The following DNAJA1 variants were observed in gnomAD, a reference collection of about 807,000 sequenced individuals.
DNAJA1 encodes DnaJ heat shock protein family (Hsp40) member A1, also known as dnaJ homolog subfamily A member 1.
DNAJA1 carries 26 observed loss-of-function variants against 47.6 expected under a neutral mutation model. The observed-to-expected ratio is 0.55, with a 90% CI of 0.40 to 0.76. The LOEUF is 0.76. Ranked by LOEUF, DNAJA1 falls within the 30% of genes least tolerant of loss-of-function variation. The pLI is 0.00. For missense variants in DNAJA1, 315 were observed against 485.0 expected (o/e 0.65, Z 3.29); for synonymous variants, 165 against 158.4 (o/e 1.04, Z -0.31).
intron 1 of DNAJA1, 133 bp from the exon 2 acceptor site, chr9:33,026,342 C>A (rs766320430): frequency 1.6e-5 from 14 of 859,926 alleles, no homozygotes; most frequent in Non-Finnish European, 2.1e-5. Flanking sequence ...GGAATTGTTA[C>A]CTTTTTGGTG....
intron 8 of DNAJA1, 62 bp downstream of exon 8, chr9:33,037,177 A>G: frequency 4.0e-6 from 6 of 1,510,922 alleles, no homozygotes; most frequent in Non-Finnish European, 5.4e-6. Flanking sequence ...TCTGATAAAA[A>G]AGTAAAATTT....
At chr9:33,030,810 A>G in intron 5 of DNAJA1, 143 bp downstream of exon 5, 1 of 751,416 alleles carries the variant, frequency 1.3e-6, no homozygotes, top group Non-Finnish European at 2.1e-6. Context: ...CTTAGTAAAT[A>G]ATGTTCTTTT....
At chr9:33,031,435 T>C (rs1411486343) in intron 5 of DNAJA1, among the ~76,000 whole-genome samples, 1 of 152,016 alleles carries the variant, frequency 6.6e-6, no homozygotes, top group Non-Finnish European at 1.5e-5. Flanking sequence ...TGTTTTTGTT[T>C]GTTTGTTTTT....
At chr9:33,038,540 T>A in intron 8 of DNAJA1, 145 bp from the exon 9 acceptor site, 2 of 698,254 alleles carry the variant, frequency 2.9e-6, no homozygotes, top group East Asian at 2.7e-5. Context: ...GCACTGTGCC[T>A]TTTTAGAGCC....
chr9:33,037,953 C>T (rs1587701399), intron 8 of DNAJA1, among the ~76,000 whole-genome samples: 1 of 151,454 alleles, frequency 6.6e-6, no homozygotes, highest in Non-Finnish European at 1.5e-5. Flanking sequence ...CAGTCATTTT[C>T]CTGAGTCTTA....
chr9:33,030,096 ACACTACCTAGAT>A, intron 4 of DNAJA1, 107 bp downstream of exon 4: 1 of 1,074,434 alleles, frequency 9.3e-7, no homozygotes, highest in Non-Finnish European at 1.3e-6. Flanking sequence ...TGATTCATGT[ACACTACCTAGAT>A]TTTGGGGGAG....
At chr9:33,031,809 T>C (rs1234580029) in intron 5 of DNAJA1, among the ~76,000 whole-genome samples, 1 of 152,210 alleles carries the variant, frequency 6.6e-6, no homozygotes, top group Non-Finnish European at 1.5e-5. Context: ...CTCCGTTAAT[T>C]GATTTGATAG....
chr9:33,027,939 C>A (rs1020422826), intron 3 of DNAJA1, among the ~76,000 whole-genome samples: 1 of 147,894 alleles, frequency 6.8e-6, no homozygotes, highest in Non-Finnish European at 1.5e-5. Context: ...GCAGGAGAGT[C>A]GCTTGAACCC....
chr9:33,034,518 C>CG (rs1345937225), intron 6 of DNAJA1, among the ~76,000 whole-genome samples, 188 bp downstream of exon 6: 1 of 152,064 alleles, frequency 6.6e-6, no homozygotes, highest in African/African-American at 2.4e-5. Flanking sequence ...CTTTTTGTCT[C>CG]TAAGTATGGA....
Position 33,037,007 on chromosome 9 carries a change from G to T in DNAJA1, c.875-8G>T, listed in dbSNP as rs1564015075. On this transcript the variant is annotated splice_region_variant and splice_polypyrimidine_tract_variant and intron_variant, in intron 7 of 8. Coordinates refer to ENST00000330899, the MANE Select transcript of DNAJA1 (RefSeq NM_001539.4). ...ACTTAAGGAAGAACTTGGCTTCAAT[G>T]TTTTTAGGTCAGATTGTCAAGCATG... 7 of 1,603,116 alleles carry T rather than the reference G, an allele frequency of 4.4e-6. No homozygotes were observed. The highest frequency in any genetic ancestry group is 5.9e-6 in the Non-Finnish European group (7 of 1,176,578).
chr9:33,025,332 A>C lies in DNAJA1; in HGVS notation c.-62A>C, dbSNP rs2119364708. On this transcript the variant is annotated 5_prime_UTR_variant, in exon 1 of 9. Transcript: ENST00000330899. The stretch of plus-strand genomic sequence containing the variant: ...GGAGCGGTAACTACCCCGGCTGCGC[A>C]CAGCTCGGCGCTCCTTCCCGCTCCC... 1 of 152,476 alleles carries C rather than the reference A, an allele frequency of 6.6e-6. No individual in the cohort carries two copies. The highest frequency in any genetic ancestry group is 1.9e-4 in the East Asian group (1 of 5,150). 9.4% of individuals were successfully genotyped at this position (152,476 alleles called of 1,614,324 possible).
chr9:33,039,718 TA>T lies in DNAJA1; in HGVS notation c.*816del, dbSNP rs1280493806. 1 of 151,874 alleles carries T rather than the reference TA, an allele frequency of 6.6e-6. No individual in the cohort carries two copies. The highest frequency in any genetic ancestry group is 1.5e-5 in the Non-Finnish European group (1 of 67,952). The allele number at this position is 151,874 out of a possible 1,614,324, so 9.4% of individuals were successfully genotyped here. ...ATAGGAAGGTGTTCTTTAGGTATGT[TA>T]CAGGATTACTTTAAACCATTTGACT... On this transcript the variant is annotated 3_prime_UTR_variant, in exon 9 of 9. Coordinates refer to ENST00000330899, the MANE Select transcript of DNAJA1 (RefSeq NM_001539.4).
chr9:33,037,340 T>A, intron 8 of DNAJA1: 1 of 329,848 alleles, frequency 3.0e-6, no homozygotes, highest in South Asian at 4.3e-5. Flanking sequence ...AAATTAAAAT[T>A]TCTGAATGCC....
chr9:33,039,714 A>G lies in DNAJA1; in HGVS notation c.*811A>G, dbSNP rs1839092198. The G allele has an allele frequency of 6.6e-6, 1 of 151,834 alleles. No individual in the cohort carries two copies. Among genetic ancestry groups the G allele is most frequent in the Admixed American group, 6.6e-5 (1 of 15,214 alleles). The allele number at this position is 151,834 out of a possible 1,614,324, so 9.4% of individuals were successfully genotyped here. ...TAATATAGGAAGGTGTTCTTTAGGT[A>G]TGTTACAGGATTACTTTAAACCATT... On this transcript the variant is annotated 3_prime_UTR_variant, in exon 9 of 9. Transcript: ENST00000330899.
At position 33,029,251 on chromosome 9, in the gene DNAJA1, ATT is replaced by A. The variant is rs536443087; in HGVS notation, c.311-632_311-631del. 3.5e-3 allele frequency among the ~76,000 whole-genome samples: 529 copies of A among 152,342 alleles called. 5 individuals are homozygous for A. Among genetic ancestry groups the A allele is most frequent in the Non-Finnish European group, 4.9e-3 (334 of 68,028 alleles). On this transcript the variant is annotated intron_variant, in intron 3 of 8. Transcript: ENST00000330899. ...ACGTTGGACAGAACAGATATAAAACATTTATCACTGCAGAAAGTTCTGTTGGG... is the reference window on the plus strand; with the variant it reads ...ACGTTGGACAGAACAGATATAAAACATATCACTGCAGAAAGTTCTGTTGGG...
chr9:33,028,949 G>A (rs1487433621), intron 3 of DNAJA1, among the ~76,000 whole-genome samples: 1 of 152,184 alleles, frequency 6.6e-6, no homozygotes, highest in African/African-American at 2.4e-5. Context: ...TCAGTTGGTG[G>A]AAAGGCAATA....
rs138989202 is a variant in DNAJA1 at position 33,030,849 on chromosome 9, A to G, written c.643+182A>G. 4.3e-4 allele frequency among the ~76,000 whole-genome samples: 65 copies of G among 152,354 alleles called. No homozygotes were observed. The East Asian group carries it at 9.0e-3, about 21-fold the overall frequency. On this transcript the variant is annotated intron_variant, in intron 5 of 8. Transcript: ENST00000330899. ...CAGACATAATTTTGCACATTGGTAT[A>G]TTACTAATACAGAATATATTAGGAA... is the stretch of plus-strand genomic sequence containing the variant.
chr9:33,026,444 A>T lies in DNAJA1; in HGVS notation c.-10-31A>T, dbSNP rs372832523. ...TTTTTATTAAAAGCTACCAGTTGAAAGCCGGTTAAAGTTGCATTTTCTTAT... is the reference window on the plus strand; with the variant it reads ...TTTTTATTAAAAGCTACCAGTTGAATGCCGGTTAAAGTTGCATTTTCTTAT... On this transcript the variant is annotated intron_variant, in intron 1 of 8. Transcript: ENST00000330899. 12 of 1,587,350 alleles carry T rather than the reference A, an allele frequency of 7.6e-6. No homozygotes were observed. The South Asian group carries it at 9.4e-5, about 12-fold the overall frequency.
intron 5 of DNAJA1, among the ~76,000 whole-genome samples, chr9:33,032,537 G>A (rs1838976575): frequency 6.6e-6 from 1 of 152,152 alleles, no homozygotes. Context: ...TTCATTTAAA[G>A]CAATTTCCAA....
Sources: allele counts gnomAD v4.1 joint callset (sites outside exome capture counted in the v4.1 genomes callset), GRCh38; gene constraint gnomAD v4.1.1; transcripts MANE v1.5; gene names NCBI Gene and HGNC (gene_info 2026-07-23, HGNC 2026-07-21).